GALNTL6: variants seen among roughly 807,000 people sequenced by gnomAD.
GALNTL6 encodes polypeptide N-acetylgalactosaminyltransferase-like 6.
GALNTL6 carries 46 observed loss-of-function variants against 73.7 expected under a neutral mutation model. The observed-to-expected ratio is 0.62, with a 90% CI of 0.49 to 0.80. The LOEUF is 0.80. Among genes scored for constraint, GALNTL6 ranks in the 30% least tolerant of loss-of-function variants. The pLI is 0.00. For missense variants in GALNTL6, 604 were observed against 755.0 expected, an observed-to-expected ratio of 0.80 and a Z score of 2.34; for synonymous variants, 259 against 263.7, an observed-to-expected ratio of 0.98 and a Z score of 0.17.
intron 5 of GALNTL6, among the ~76,000 whole-genome samples, chr4:172,476,782 A>G (rs1733250683): frequency 6.6e-6 from 1 of 152,352 alleles, no homozygotes; most frequent in Middle Eastern, 3.4e-3. Flanking sequence ...ATTATTAAGC[A>G]ACTTGATTAA....
intron 2 of GALNTL6, among the ~76,000 whole-genome samples, chr4:172,002,971 T>C (rs927111636): frequency 6.6e-6 from 1 of 152,170 alleles, no homozygotes; most frequent in African/African-American, 2.4e-5. Flanking sequence ...ACACAATTAA[T>C]GGTGTCAATA....
chr4:171,831,277 G>A (rs28361436), intron 2 of GALNTL6, among the ~76,000 whole-genome samples: 26,759 of 151,812 alleles, frequency 0.18, 2,534 homozygotes, highest in South Asian at 0.28. Flanking sequence ...TAAAACATGC[G>A]AAAGAGATTA....
rs567699561 is a variant in GALNTL6, at chr4:172,859,277, G to T, written c.924-23513G>T. On this transcript the variant is annotated intron_variant, in intron 7 of 12. Coordinates refer to ENST00000506823, the MANE Select transcript of GALNTL6 (RefSeq NM_001034845.3). The stretch of plus-strand genomic sequence containing the variant: ...AGGAAAATTATTATAGTTTTACCTG[G>T]TGTCACCCCTGTAATAAATGCATGA... Among the ~76,000 whole-genome samples the T allele has an allele frequency of 2.0e-5, 3 of 152,052 alleles. No individual in the cohort carries two copies. The South Asian group carries it at 6.2e-4, about 32-fold the overall frequency.
At chr4:172,065,900 A>G (rs1263965867) in intron 2 of GALNTL6, among the ~76,000 whole-genome samples, 2 of 152,166 alleles carry the variant, frequency 1.3e-5, no homozygotes, top group Non-Finnish European at 2.9e-5. Flanking sequence ...CACTATCGTG[A>G]GAACAGCATG....
At chr4:172,889,001 T>A (rs1745875593) in intron 8 of GALNTL6, among the ~76,000 whole-genome samples, 1 of 152,126 alleles carries the variant, frequency 6.6e-6, no homozygotes, top group Non-Finnish European at 1.5e-5. Context: ...GGTCCTACAT[T>A]TGCTTTTGTG....
chr4:172,021,193 A>C (rs1195339028), intron 2 of GALNTL6, among the ~76,000 whole-genome samples: 1 of 151,996 alleles, frequency 6.6e-6, no homozygotes, highest in Non-Finnish European at 1.5e-5. Context: ...ATGGAGAAAA[A>C]CTGAAAGCCT....
chr4:171,899,257 G>A (rs1737011082), intron 2 of GALNTL6, among the ~76,000 whole-genome samples: 1 of 151,964 alleles, frequency 6.6e-6, no homozygotes, highest in African/African-American at 2.4e-5. Context: ...GGCTCCCAAG[G>A]TGGTTACCCC....
At chr4:171,828,595 T>G (rs1326333323) in intron 2 of GALNTL6, among the ~76,000 whole-genome samples, 1 of 152,126 alleles carries the variant, frequency 6.6e-6, no homozygotes, top group Non-Finnish European at 1.5e-5. Flanking sequence ...ACGCTACATG[T>G]CTTTTCTCTT....
chr4:172,757,654 A>G (rs1737827636), intron 5 of GALNTL6, among the ~76,000 whole-genome samples: 1 of 152,270 alleles, frequency 6.6e-6, no homozygotes, highest in Non-Finnish European at 1.5e-5. Context: ...GCAAATGAGG[A>G]CATCCACGAA....
At chr4:172,970,417 A>T (rs534478696) in intron 10 of GALNTL6, among the ~76,000 whole-genome samples, 10 of 152,120 alleles carry the variant, frequency 6.6e-5, no homozygotes, top group African/African-American at 2.4e-4. Flanking sequence ...ACAATCCCAG[A>T]GTGGCCATTT....
intron 2 of GALNTL6, among the ~76,000 whole-genome samples, chr4:171,883,006 G>A (rs1402960006): frequency 6.6e-6 from 1 of 152,178 alleles, no homozygotes; most frequent in Non-Finnish European, 1.5e-5. Context: ...CTTAGAGGCT[G>A]ATTTAACTCC....
At chr4:172,579,026 G>A (rs1286746485) in intron 5 of GALNTL6, among the ~76,000 whole-genome samples, 1 of 152,164 alleles carries the variant, frequency 6.6e-6, no homozygotes, top group African/African-American at 2.4e-5. Context: ...GACTTGAGTG[G>A]TGACAATCTG....
intron 5 of GALNTL6, among the ~76,000 whole-genome samples, chr4:172,714,958 C>A (rs1451038364): frequency 6.7e-6 from 1 of 150,132 alleles, no homozygotes; most frequent in African/African-American, 2.5e-5. Context: ...CATAATATTT[C>A]TTTTTCCACC....
chr4:173,029,268 A>G (rs1051919269), intron 12 of GALNTL6, among the ~76,000 whole-genome samples: 1 of 152,228 alleles, frequency 6.6e-6, no homozygotes, highest in Non-Finnish European at 1.5e-5. Flanking sequence ...AATTGCCAGA[A>G]AGCTCTTCCC....
At chr4:172,918,433 A>G (rs986834810) in intron 8 of GALNTL6, among the ~76,000 whole-genome samples, 1 of 152,164 alleles carries the variant, frequency 6.6e-6, no homozygotes, top group Non-Finnish European at 1.5e-5. Context: ...TGATTTTTAT[A>G]TTCTACATCA....
chr4:172,121,468 C>T (rs964814660), intron 2 of GALNTL6, among the ~76,000 whole-genome samples: 11 of 152,114 alleles, frequency 7.2e-5, no homozygotes, highest in African/African-American at 2.7e-4. Flanking sequence ...TCAGACATTT[C>T]CTCCTTTTGA....
At chr4:172,563,363 A>G (rs1414362293) in intron 5 of GALNTL6, among the ~76,000 whole-genome samples, 1 of 115,728 alleles carries the variant, frequency 8.6e-6, no homozygotes, top group Non-Finnish European at 2.1e-5. Flanking sequence ...ACCAACTGTC[A>G]ATCCCGCCTT....
intron 2 of GALNTL6, among the ~76,000 whole-genome samples, chr4:172,142,762 G>A (rs1265431043): frequency 6.6e-6 from 1 of 151,564 alleles, no homozygotes; most frequent in African/African-American, 2.4e-5. Context: ...ACAAAATAAA[G>A]GTTACAATGA....
chr4:172,595,748 A>G (rs1737827025), intron 5 of GALNTL6, among the ~76,000 whole-genome samples: 2 of 152,180 alleles, frequency 1.3e-5, no homozygotes, highest in Non-Finnish European at 2.9e-5. Context: ...GATATAAAAG[A>G]ATTAATAGAT....
Sources: allele counts gnomAD v4.1 joint callset (sites outside exome capture counted in the v4.1 genomes callset), GRCh38; gene constraint gnomAD v4.1.1; transcripts MANE v1.5; gene names NCBI Gene and HGNC (gene_info 2026-07-23, HGNC 2026-07-21).